The following RPUSD1 variants were observed in gnomAD, a reference collection of about 807,000 sequenced individuals.
The protein encoded by RPUSD1 is pseudouridylate synthase RPUSD1.
RPUSD1 carries 28 observed loss-of-function variants against 22.4 expected under a neutral mutation model. The observed-to-expected ratio is 1.25, with a 90% CI of 0.93 to 1.72. The LOEUF (loss-of-function observed/expected upper bound fraction) is 1.72, where lower values mean the gene tolerates loss of function less well. RPUSD1 is among the 40% of genes most tolerant of loss of function. RPUSD1 has a pLI of 0.00. For missense variants in RPUSD1, 596 were observed against 442.2 expected (o/e 1.35, Z -3.12); for synonymous variants, 298 against 201.0 (o/e 1.48, Z -4.08).
Position 785,964 on chromosome 16 carries a change from C to A in RPUSD1, c.925G>T (p.Glu309Ter). The A allele has an allele frequency of 6.9e-7, 1 of 1,440,500 alleles. No individual in the cohort carries two copies. The highest frequency in any genetic ancestry group is 1.5e-5 in the South Asian group (1 of 68,712). 89.2% of individuals were successfully genotyped at this position (1,440,500 alleles called of 1,614,324 possible). ...CLQWLSEWTL[E>*]PDS is the part of the protein sequence containing the mutation. ...CCCCACGGCTCTCAGCTGTCCGGTT[C>A]CAGCGTCCACTCCGACAGCCACTGC... Residue 309 changes from glutamate to a stop codon, truncating the protein, a stop_gained, in exon 6 of 6, where the codon GAA (glutamate) becomes TAA (stop). Transcript: ENST00000007264. LOFTEE classifies it high-confidence loss of function.
Position 785,799 on chromosome 16 carries a change from G to GC in RPUSD1, c.*150dup, listed in dbSNP as rs2041882444. 2 of 640,210 alleles carry GC rather than the reference G, an allele frequency of 3.1e-6. No homozygotes were observed. The highest frequency in any genetic ancestry group is 3.8e-5 in the African/African-American group (2 of 52,590). The allele number at this position is 640,210 out of a possible 1,614,324, so 39.7% of individuals were successfully genotyped here. ...GGCGCCCCCTGCCGGCCCCACCTCA[G>GC]CCCTTCCTCGCAGGCCTGGCCGGGG... is the stretch of plus-strand genomic sequence containing the variant. On this transcript the variant is annotated 3_prime_UTR_variant, in exon 6 of 6. Coordinates refer to ENST00000007264, the MANE Select transcript of RPUSD1 (RefSeq NM_058192.3).
rs1343096485 is a variant in RPUSD1 at position 786,268 on chromosome 16, C to T, written c.621G>A (p.Met207Ile). Residue 207 changes from methionine (M) to isoleucine (I), a missense_variant, in exon 6 of 6, where the codon ATG becomes ATA. Transcript: ENST00000007264. ...SGREDRPFRM[M>I]LHAFYLRIPT... is the part of the protein sequence containing the mutation. ...GGATGCGCAGGTAGAAAGCGTGCAG[C>T]ATCATTCTGAACGGCCGGTCCTCCC... 1 of 1,612,762 alleles carries T rather than the reference C, an allele frequency of 6.2e-7. No homozygotes were observed. The highest frequency in any genetic ancestry group is 8.5e-7 in the Non-Finnish European group (1 of 1,179,938).
Position 787,144 on chromosome 16 carries a change from G to A in RPUSD1, c.342C>T (p.Ile114=), listed in dbSNP as rs771572230. Residue 114 remains isoleucine (I), a synonymous_variant, in exon 4 of 6, where the codon ATC becomes ATT. Coordinates refer to ENST00000007264, the MANE Select transcript of RPUSD1 (RefSeq NM_058192.3). ...TGCTGTTCCTGCCAATGGCATGGCT[G>A]ATGGTTACCCGGCTCTCCTGGATGT... is the stretch of plus-strand genomic sequence containing the variant. The part of the protein sequence containing the change: ...RGHIQESRVT[I]SHAIGRNSTE... The A allele has an allele frequency of 4.4e-6, 7 of 1,608,090 alleles. No homozygotes were observed. The highest frequency in any genetic ancestry group is 5.9e-6 in the Non-Finnish European group (7 of 1,179,562).
At chr16:787,768 T>C in intron 1 of RPUSD1, 24 bp from the exon 2 acceptor site, 10 of 1,600,994 alleles carry the variant, frequency 6.2e-6, no homozygotes, top group Non-Finnish European at 8.5e-6. Context: ...CGTGGGTGCG[T>C]GTGCTGTGAG....
intron 1 of RPUSD1, 105 bp from the exon 2 acceptor site, chr16:787,849 A>G: frequency 8.1e-7 from 1 of 1,228,120 alleles, no homozygotes; most frequent in Non-Finnish European, 1.1e-6. Context: ...GTGCGAAGCC[A>G]CCGAGCCGGG....
intron 5 of RPUSD1, 164 bp downstream of exon 5, chr16:786,663 T>TG (rs752695873): frequency 4.0e-6 from 3 of 756,220 alleles, no homozygotes; most frequent in Non-Finnish European, 7.0e-6. Context: ...AGGGACCCTG[T>TG]GTCAGGTGAG....
chr16:787,133 A>G lies in RPUSD1; in HGVS notation c.353T>C (p.Ile118Thr). 6.2e-7 allele frequency: 1 copy of G among 1,608,756 alleles called. No homozygotes were observed. Among genetic ancestry groups the G allele is most frequent in the African/African-American group, 1.3e-5 (1 of 75,008 alleles). Residue 118 changes from isoleucine (I) to threonine (T), a missense_variant, in exon 4 of 6, where the codon ATT (isoleucine) becomes ACT (threonine). Physicochemically the swap from Ile to Thr is moderately conservative, Grantham distance 89. Coordinates refer to ENST00000007264, the MANE Select transcript of RPUSD1 (RefSeq NM_058192.3). ...QESRVTISHA[I>T]GRNSTEGRAH... ...CCGGCCCTCCGTGCTGTTCCTGCCA[A>G]TGGCATGGCTGATGGTTACCCGGCT...
chr16:786,986 C>A (rs2041951138), intron 4 of RPUSD1, 58 bp from the exon 5 acceptor site: 1 of 1,568,012 alleles, frequency 6.4e-7, no homozygotes, highest in Non-Finnish European at 8.7e-7. Context: ...CCAGGCCCAC[C>A]CCAACGCACG....
Position 786,944 on chromosome 16 carries a change from C to A in RPUSD1, c.410-16G>T, listed in dbSNP as rs1266703705. On this transcript the variant is annotated splice_polypyrimidine_tract_variant and intron_variant, in intron 4 of 5. Transcript: ENST00000007264. The stretch of plus-strand genomic sequence containing the variant: ...TTCTCACAACCTGGGGCGCAGAAGG[C>A]AGGTGTGAGGTTAGTGGGACTGACC... The A allele has an allele frequency of 6.2e-7, 1 of 1,610,694 alleles. No homozygotes were observed.
At position 788,320 on chromosome 16, in the gene RPUSD1, C is replaced by G; in HGVS notation, c.-72G>C. 4.5e-6 allele frequency: 1 copy of G among 221,702 alleles called. No homozygotes were observed. Among genetic ancestry groups the G allele is most frequent in the Non-Finnish European group, 8.8e-6 (1 of 113,320 alleles). 13.7% of individuals were successfully genotyped at this position (221,702 alleles called of 1,614,324 possible). On this transcript the variant is annotated 5_prime_UTR_variant, in exon 1 of 6. Transcript: ENST00000007264. ...CCCGGCGCCGGCTCCAGCCGCGCGC[C>G]CGCGCGCTGGCGACCCAGAGACCCT...
chr16:787,817 G>A (rs1178949005), intron 1 of RPUSD1, 73 bp from the exon 2 acceptor site: 2 of 1,489,788 alleles, frequency 1.3e-6, no homozygotes, highest in South Asian at 1.2e-5. Flanking sequence ...AGAGGTACCC[G>A]CACCGCCCCA....
rs2041866052 is a variant in RPUSD1 at position 785,365 on chromosome 16, C to T, written c.*585G>A. ...CGCAGCCGGGCCTGCAGACTCGAGC[C>T]CAGCAGGGACCATTAGGTCTCGGGA... On this transcript the variant is annotated 3_prime_UTR_variant, in exon 6 of 6. Coordinates refer to ENST00000007264, the MANE Select transcript of RPUSD1 (RefSeq NM_058192.3). 1 of 152,788 alleles carries T rather than the reference C, an allele frequency of 6.5e-6. No homozygotes were observed. Among genetic ancestry groups the T allele is most frequent in the African/African-American group, 2.4e-5 (1 of 41,468 alleles). 9.5% of individuals were successfully genotyped at this position (152,788 alleles called of 1,614,324 possible). A position where few individuals can be genotyped will look rare whatever the true frequency, so the allele number is the denominator to read the frequency against.
intron 3 of RPUSD1, 52 bp from the exon 4 acceptor site, chr16:787,231 G>A (rs561167597): frequency 6.4e-6 from 10 of 1,554,966 alleles, no homozygotes; most frequent in African/African-American, 5.5e-5. Flanking sequence ...CAGTGCTGCC[G>A]GGGAGCCCAC....
chr16:786,277 G>A lies in RPUSD1; in HGVS notation c.612C>T (p.Phe204=), dbSNP rs1373906627. 3.7e-6 allele frequency: 6 copies of A among 1,612,640 alleles called. No homozygotes were observed. The highest frequency in any genetic ancestry group is 5.1e-6 in the Non-Finnish European group (6 of 1,179,946). ...GGTAGAAAGCGTGCAGCATCATTCT[G>A]AACGGCCGGTCCTCCCGGCCCGAGA... The part of the protein sequence containing the change: ...GEVSGREDRP[F]RMMLHAFYLR... The change falls in exon 6 of 6, where the codon TTC becomes TTT. Residue 204 remains phenylalanine (F), a synonymous_variant. Coordinates refer to ENST00000007264, the MANE Select transcript of RPUSD1 (RefSeq NM_058192.3).
chr16:786,000 C>A lies in RPUSD1; in HGVS notation c.889G>T (p.Gly297Cys), dbSNP rs1345714858. The A allele has an allele frequency of 4.1e-6, 6 of 1,463,152 alleles. No homozygotes were observed. Among genetic ancestry groups the A allele is most frequent in the Admixed American group, 2.6e-5 (1 of 38,272 alleles). The allele number at this position is 1,463,152 out of a possible 1,614,324, so 90.6% of individuals were successfully genotyped here. A position where few individuals can be genotyped will look rare whatever the true frequency, so the allele number is the denominator to read the frequency against. The change falls in exon 6 of 6, where the codon GGC becomes TGC. Residue 297 changes from glycine (G) to cysteine (C), a missense_variant. Gly to Cys is a radical substitution (Grantham distance 159, BLOSUM62 -3). Coordinates refer to ENST00000007264, the MANE Select transcript of RPUSD1 (RefSeq NM_058192.3). ...TKPPETEAQR[G>C]PCLQWLSEWT... ...TCCGACAGCCACTGCAGGCAGGGGC[C>A]CCGCTGTGCCTCAGTCTCAGGGGGC...
chr16:787,216 CAGCCCAGTGCTGCCGGGG>C (rs1265459725), intron 3 of RPUSD1, 37 bp from the exon 4 acceptor site: 4 of 1,571,834 alleles, frequency 2.5e-6, no homozygotes, highest in African/African-American at 1.4e-5. Flanking sequence ...GTTCACGGGG[CAGCCCAGTGCTGCCGGGG>C]AGCCCACCTA....
chr16:787,028 G>A, intron 4 of RPUSD1, 49 bp downstream of exon 4: 2 of 1,588,754 alleles, frequency 1.3e-6, no homozygotes, highest in South Asian at 1.1e-5. Flanking sequence ...GCCTGCCCAG[G>A]CCCACCCCAA....
chr16:786,050 C>A lies in RPUSD1; in HGVS notation c.839G>T (p.Gly280Val). Residue 280 changes from glycine (G) to valine (V), a missense_variant, in exon 6 of 6, where the codon GGC becomes GTC. Coordinates refer to ENST00000007264, the MANE Select transcript of RPUSD1 (RefSeq NM_058192.3). Reference protein sequence around the residue: ...GSPSALLPGPGRPPPPPTKPP... With the variant: ...GSPSALLPGPVRPPPPPTKPP... The stretch of plus-strand genomic sequence containing the variant: ...CTTGGTTGGGGGTGGAGGAGGCCGG[C>A]CGGGCCCAGGCAGGAGTGCGGAGGG... The A allele has an allele frequency of 2.0e-6, 3 of 1,524,588 alleles. No individual in the cohort carries two copies. The highest frequency in any genetic ancestry group is 2.6e-6 in the Non-Finnish European group (3 of 1,137,224). 94.4% of individuals were successfully genotyped at this position (1,524,588 alleles called of 1,614,324 possible).
rs1167561607 is a variant in RPUSD1, at chr16:787,339, C to T, written c.306+15G>A. On this transcript the variant is annotated intron_variant, in intron 3 of 5. Coordinates refer to ENST00000007264, the MANE Select transcript of RPUSD1 (RefSeq NM_058192.3). ...TGAGTCCCCACGCCCCACCCCAGGA[C>T]TGACCAGGTCTTACCAATGCCAGGT... The T allele has an allele frequency of 6.3e-7, 1 of 1,578,264 alleles. No homozygotes were observed. The highest frequency in any genetic ancestry group is 1.8e-5 in the Admixed American group (1 of 56,392).
Sources: gnomAD v4.1 joint callset for allele counts on GRCh38, gnomAD v4.1.1 for gene constraint, MANE v1.5 for transcripts, NCBI Gene and HGNC (gene_info 2026-07-23, HGNC 2026-07-21) for gene names.